DNAJA3: variants seen among roughly 807,000 people sequenced by gnomAD.
The protein encoded by DNAJA3 is DnaJ heat shock protein family (Hsp40) member A3, also known as dnaJ homolog subfamily A member 3, mitochondrial.
In DNAJA3, 29 loss-of-function variants were observed where a neutral mutation model predicts 54.9. The ratio of observed to expected loss-of-function variants is 0.53; its 90% CI spans 0.39 to 0.72. DNAJA3 has a LOEUF of 0.72. DNAJA3 is among the 30% of genes least tolerant of loss of function. DNAJA3 has a pLI of 0.00. For synonymous variants in DNAJA3, 302 were observed against 251.4 expected (o/e 1.20, Z -1.90); for missense variants, 708 against 639.4 (o/e 1.11, Z -1.16).
intron 1 of DNAJA3, chr16:4,430,792 C>T (rs1335933069): frequency 6.6e-6 from 1 of 151,846 alleles, no homozygotes; most frequent in Admixed American, 6.6e-5. Flanking sequence ...GCCTGTAACC[C>T]CAGCACTTTG....
At position 4,438,283 on chromosome 16, in the gene DNAJA3, C is replaced by G. The variant is rs368123554; in HGVS notation, c.429+798C>G. Among the ~76,000 whole-genome samples, 20 of 151,484 alleles carry G rather than the reference C, an allele frequency of 1.3e-4. No homozygotes were observed. The East Asian group carries it at 3.7e-3, about 28-fold the overall frequency. On this transcript the variant is annotated intron_variant, in intron 3 of 11. Coordinates refer to ENST00000262375, the MANE Select transcript of DNAJA3 (RefSeq NM_005147.6). Reference sequence around the variant, plus strand: ...AGTGAGCTGAGATTGCGCCACTGCACTCCAGCCTGGGCGACAGAGCAAGAC... The same window carrying G: ...AGTGAGCTGAGATTGCGCCACTGCAGTCCAGCCTGGGCGACAGAGCAAGAC...
At chr16:4,443,855 T>C (rs1171772697) in intron 6 of DNAJA3, among the ~76,000 whole-genome samples, 1 of 152,012 alleles carries the variant, frequency 6.6e-6, no homozygotes, top group Non-Finnish European at 1.5e-5. Context: ...CCCAGCTAAT[T>C]TTTTGTATTT....
Position 4,438,549 on chromosome 16 carries a change from G to A in DNAJA3, c.429+1064G>A, listed in dbSNP as rs1182109467. Among the ~76,000 whole-genome samples the A allele has an allele frequency of 2.0e-5, 3 of 151,756 alleles. No individual in the cohort carries two copies. The East Asian group carries it at 5.8e-4, about 29-fold the overall frequency. On this transcript the variant is annotated intron_variant, in intron 3 of 11. Transcript: ENST00000262375. ...AATGTCAATGTAATCAGAGGACAAA[G>A]CATACATCTCTGAAAACAGCTATTG...
chr16:4,434,432 C>T lies in DNAJA3; in HGVS notation c.260C>T (p.Ala87Val). 1.2e-6 allele frequency: 2 copies of T among 1,613,880 alleles called. No homozygotes were observed. The highest frequency in any genetic ancestry group is 1.7e-6 in the Non-Finnish European group (2 of 1,179,986). The change falls in exon 2 of 12, where the codon GCC (alanine) becomes GTC (valine). Residue 87 changes from alanine (A) to valine (V), a missense_variant. Coordinates refer to ENST00000262375, the MANE Select transcript of DNAJA3 (RefSeq NM_005147.6). ...FICTASFHTS[A>V]PLAKEDYYQI... ...TGTACTGCCTCCTTCCACACGAGTG[C>T]CCCTTTGGCCAAAGAAGATTATTAT...
In DNAJA3 at chr16:4,437,401, G is replaced by GCTTGT. The variant is rs1219653324; in HGVS notation, c.349_350insTCTTG (p.Ala117ValfsTer31). 1 of 1,613,814 alleles carries GCTTGT rather than the reference G, an allele frequency of 6.2e-7. No homozygotes were observed. Reference sequence around the variant, plus strand: ...AGTAATTTATCATGTTTTTCCCTTAGCTTGCCAAGAAGTATCACCCTGACA... The same window carrying GCTTGT: ...AGTAATTTATCATGTTTTTCCCTTAGCTTGTCTTGCCAAGAAGTATCACCCTGACA... On this transcript the variant is annotated frameshift_variant and splice_region_variant. Coordinates refer to ENST00000262375, the MANE Select transcript of DNAJA3 (RefSeq NM_005147.6). LOFTEE classifies it high-confidence loss of function.
In DNAJA3 at chr16:4,442,412, T is replaced by C; in HGVS notation, c.775T>C (p.Ser259Pro). The C allele has an allele frequency of 6.3e-7, 1 of 1,598,438 alleles. No homozygotes were observed. The highest frequency in any genetic ancestry group is 8.5e-7 in the Non-Finnish European group (1 of 1,171,782). The change falls in exon 5 of 12, where the codon TCC becomes CCC. Residue 259 changes from serine to proline, a missense_variant. Transcript: ENST00000262375. Reference protein sequence around the residue: ...KVQHCHYCGGSGMETINTGPF... With the variant: ...KVQHCHYCGGPGMETINTGPF... ...GCAGCATTGCCACTACTGTGGCGGCTCCGGCATGGTAAGGCTCTGCCCGAG... is the reference window on the plus strand; with the variant it reads ...GCAGCATTGCCACTACTGTGGCGGCCCCGGCATGGTAAGGCTCTGCCCGAG...
At chr16:4,426,121 C>A in intron 1 of DNAJA3, 29 bp downstream of exon 1, 1 of 1,527,584 alleles carries the variant, frequency 6.5e-7, no homozygotes, top group South Asian at 1.3e-5. Context: ...TTCCGAGTGG[C>A]GGTTTCAGGG....
chr16:4,435,635 T>C (rs1268057215), intron 2 of DNAJA3, among the ~76,000 whole-genome samples: 1 of 152,332 alleles, frequency 6.6e-6, no homozygotes, highest in East Asian at 1.9e-4. Flanking sequence ...GTTTTCAGGG[T>C]TCATCTGTGT....
chr16:4,427,945 A>G (rs2056645249), intron 1 of DNAJA3, among the ~76,000 whole-genome samples: 1 of 151,646 alleles, frequency 6.6e-6, no homozygotes, highest in Non-Finnish European at 1.5e-5. Flanking sequence ...GCACCTGGCC[A>G]ACAGAATGAA....
At chr16:4,430,195 C>T (rs1423561046) in intron 1 of DNAJA3, among the ~76,000 whole-genome samples, 2 of 151,804 alleles carry the variant, frequency 1.3e-5, no homozygotes, top group Admixed American at 6.6e-5. Context: ...AAACACTAGT[C>T]TGTGATCTTG....
intron 2 of DNAJA3, among the ~76,000 whole-genome samples, chr16:4,436,558 CAG>C (rs1421483748): frequency 1.3e-5 from 2 of 152,116 alleles, no homozygotes; most frequent in Admixed American, 1.3e-4. Context: ...TTTTTTCAGA[CAG>C]AGTCTCGCCG....
chr16:4,425,878 C>A lies in DNAJA3; in HGVS notation c.-4C>A. ...CGGCGCAGGCGCAGAGTCCCCGGGC[C>A]AAGATGGCTGCGCGGTGCTCCACAC... On this transcript the variant is annotated 5_prime_UTR_variant, in exon 1 of 12. Transcript: ENST00000262375. 1 of 1,528,752 alleles carries A rather than the reference C, an allele frequency of 6.5e-7. No individual in the cohort carries two copies. The highest frequency in any genetic ancestry group is 8.8e-7 in the Non-Finnish European group (1 of 1,140,656). 94.7% of individuals were successfully genotyped at this position (1,528,752 alleles called of 1,614,324 possible). A position where few individuals can be genotyped will look rare whatever the true frequency, so the allele number is the denominator to read the frequency against.
intron 5 of DNAJA3, 30 bp from the exon 6 acceptor site, chr16:4,442,985 ACT>A (rs2056855062): frequency 4.4e-6 from 7 of 1,609,076 alleles, no homozygotes; most frequent in Non-Finnish European, 5.9e-6. Context: ...TTACCTGCGT[ACT>A]TAGGTTACCA....
chr16:4,433,655 T>C (rs1179658783), intron 1 of DNAJA3, among the ~76,000 whole-genome samples: 1 of 152,112 alleles, frequency 6.6e-6, no homozygotes, highest in Non-Finnish European at 1.5e-5. Context: ...TTGTTAAGCA[T>C]TAAATGTGAC....
rs774147201 is a variant in DNAJA3, at chr16:4,444,777, G to C, written c.996+49G>C. ...TTCTGTTGGGCCTTTCCTCTCTTCG[G>C]GTGGGTGTGGCTGAGGCTGCTCCCA... is the stretch of plus-strand genomic sequence containing the variant. On this transcript the variant is annotated intron_variant, in intron 7 of 11. Coordinates refer to ENST00000262375, the MANE Select transcript of DNAJA3 (RefSeq NM_005147.6). 3.9e-6 allele frequency: 6 copies of C among 1,549,554 alleles called. No homozygotes were observed. The African/African-American group carries it at 5.4e-5, about 14-fold the overall frequency.
In DNAJA3 at chr16:4,448,809, A is replaced by G. The variant is rs759995110; in HGVS notation, c.1202A>G (p.Tyr401Cys). The G allele has an allele frequency of 1.2e-6, 2 of 1,613,960 alleles. No individual in the cohort carries two copies. Among genetic ancestry groups the G allele is most frequent in the Non-Finnish European group, 1.7e-6 (2 of 1,179,992 alleles). Residue 401 changes from tyrosine (Y) to cysteine (C), a missense_variant, in exon 9 of 12, where the codon TAC becomes TGC. Coordinates refer to ENST00000262375, the MANE Select transcript of DNAJA3 (RefSeq NM_005147.6). ...KGIPRINSYG[Y>C]GDHYIHIKIR... ...ATCCCCCGGATTAACAGCTACGGCT[A>G]CGGAGACCACTACATCCACATCAAG...
Position 4,434,399 on chromosome 16 carries a change from C to T in DNAJA3, c.227C>T (p.Pro76Leu). ...TCCTTTTTAGGAACAAAACATAACC[C>T]TTTCATTTGTACTGCCTCCTTCCAC... ...GVSLTGTKHN[P>L]FICTASFHTS... Residue 76 changes from proline (P) to leucine (L), a missense_variant, in exon 2 of 12, where the codon CCT becomes CTT. Physicochemically the swap from Pro to Leu is moderately conservative, Grantham distance 98 (BLOSUM62 -3). Transcript: ENST00000262375. 3 of 1,612,722 alleles carry T rather than the reference C, an allele frequency of 1.9e-6. No individual in the cohort carries two copies. The highest frequency in any genetic ancestry group is 2.5e-6 in the Non-Finnish European group (3 of 1,179,742).
At chr16:4,429,784 A>C (rs1240482757) in intron 1 of DNAJA3, among the ~76,000 whole-genome samples, 1 of 151,900 alleles carries the variant, frequency 6.6e-6, no homozygotes, top group Non-Finnish European at 1.5e-5. Context: ...CCGTGAGCCG[A>C]GTTAGCGCCA....
At chr16:4,426,155 G>C in intron 1 of DNAJA3, 63 bp downstream of exon 1, 1 of 1,441,962 alleles carries the variant, frequency 6.9e-7, no homozygotes, top group African/African-American at 1.5e-5. Context: ...GAGTCTCCTC[G>C]CTGTGACTAC....
Sources: allele counts gnomAD v4.1 joint callset (sites outside exome capture counted in the v4.1 genomes callset), GRCh38; gene constraint gnomAD v4.1.1; transcripts MANE v1.5; gene names NCBI Gene and HGNC (gene_info 2026-07-23, HGNC 2026-07-21).